CAPS2: variants seen among roughly 807,000 people sequenced by gnomAD.
CAPS2 encodes calcyphosin-2.
Under a neutral mutation model 86.5 loss-of-function variants are expected in CAPS2, and 98 were observed. The ratio of observed to expected loss-of-function variants is 1.13; its 90% CI spans 0.96 to 1.34. The LOEUF is 1.34. Ranked by LOEUF, CAPS2 falls within the 40% of genes most tolerant of loss-of-function variation. CAPS2 has a pLI of 0.00. For synonymous variants in CAPS2, 210 were observed against 225.1 expected (o/e 0.93, Z 0.60); for missense variants, 729 against 686.8 (o/e 1.06, Z -0.69).
chr12:75,317,769 A>ATT (rs1565891892), intron 5 of CAPS2, among the ~76,000 whole-genome samples: 1 of 152,154 alleles, frequency 6.6e-6, no homozygotes, highest in Non-Finnish European at 1.5e-5. Context: ...TCACAATCAA[A>ATT]TTAATTAATA....
exon 8 of CAPS2, chr12:75,304,767 G>T: frequency 6.3e-7 from 1 of 1,589,516 alleles, no homozygotes; most frequent in Non-Finnish European, 8.6e-7. Context: ...TTTGTTTCAT[G>T]TAGTGTTCTT....
chr12:75,284,500 C>A (rs1236288238), intron 15 of CAPS2, among the ~76,000 whole-genome samples: 1 of 151,964 alleles, frequency 6.6e-6, no homozygotes, highest in Non-Finnish European at 1.5e-5. Context: ...ATTCTAAAGA[C>A]CAGAGAAACA....
At chr12:75,353,349 A>T (rs1275240725) in intron 1 of CAPS2, among the ~76,000 whole-genome samples, 1 of 152,240 alleles carries the variant, frequency 6.6e-6, no homozygotes, top group Non-Finnish European at 1.5e-5. Context: ...AACAACCATC[A>T]GAGAATACTA....
intron 1 of CAPS2, 67 bp downstream of exon 2, chr12:75,326,351 G>A (rs2040781441): frequency 1.6e-6 from 1 of 620,152 alleles, no homozygotes; most frequent in Admixed American, 2.9e-5. Context: ...CATAAAACAT[G>A]AAGAAAAGGT....
intron 1 of CAPS2, among the ~76,000 whole-genome samples, chr12:75,352,042 C>G (rs537945582): frequency 8.5e-5 from 13 of 152,260 alleles, no homozygotes; most frequent in Non-Finnish European, 1.9e-4. Flanking sequence ...TTACCAGTCA[C>G]TACAAAAAAC....
intron 7 of CAPS2, among the ~76,000 whole-genome samples, chr12:75,310,489 G>A (rs2039029690): frequency 6.6e-6 from 1 of 152,148 alleles, no homozygotes; most frequent in Non-Finnish European, 1.5e-5. Flanking sequence ...CCAGAACAGG[G>A]ATAAGTCAAA....
chr12:75,288,199 C>T (rs372879972), intron 14 of CAPS2, among the ~76,000 whole-genome samples: 122 of 152,074 alleles, frequency 8.0e-4, no homozygotes, highest in Middle Eastern at 3.4e-3. Flanking sequence ...ATCTACAAAA[C>T]GAAGAGAGGA....
chr12:75,378,269 T>C (rs1174078522), intron 1 of CAPS2, among the ~76,000 whole-genome samples: 1 of 152,144 alleles, frequency 6.6e-6, no homozygotes, highest in Non-Finnish European at 1.5e-5. Context: ...CCAAGTGCTG[T>C]GATTATAGGC....
At chr12:75,293,149 A>G in intron 12 of CAPS2, 100 bp downstream of exon 12, 1 of 742,452 alleles carries the variant, frequency 1.3e-6, no homozygotes, top group South Asian at 1.7e-5. Context: ...TATAAACCTT[A>G]ATGAAGTTAT....
At chr12:75,290,440 GA>G (rs2035637757) in intron 13 of CAPS2, among the ~76,000 whole-genome samples, 2 of 151,990 alleles carry the variant, frequency 1.3e-5, no homozygotes, top group African/African-American at 2.4e-5. Context: ...ATACATGAGA[GA>G]AAAAAACAAA....
At chr12:75,358,865 C>G (rs1255930963) in intron 1 of CAPS2, among the ~76,000 whole-genome samples, 1 of 131,188 alleles carries the variant, frequency 7.6e-6, no homozygotes, top group Admixed American at 7.7e-5. Context: ...ATGGTTTAAA[C>G]ATATATAATA....
chr12:75,337,785 G>T lies in CAPS2; in HGVS notation c.-394-14563C>A, dbSNP rs377542554. Among the ~76,000 whole-genome samples, 7 of 151,856 alleles carry T rather than the reference G, an allele frequency of 4.6e-5. No individual in the cohort carries two copies. The East Asian group carries it at 1.2e-3, about 25-fold the overall frequency. ...AATCCTTGAACTTTGCCTAATAAAAGTATTGCTTATTTTTTTATTTCTTTG... is the reference window on the plus strand; with the variant it reads ...AATCCTTGAACTTTGCCTAATAAAATTATTGCTTATTTTTTTATTTCTTTG... On this transcript the variant is annotated intron_variant, in intron 1 of 5. Transcript: ENST00000551829.
At chr12:75,364,619 G>T (rs2043842209) in intron 1 of CAPS2, among the ~76,000 whole-genome samples, 1 of 152,206 alleles carries the variant, frequency 6.6e-6, no homozygotes, top group Non-Finnish European at 1.5e-5. Flanking sequence ...CAAAGGTGAA[G>T]ATACAAAATT....
At chr12:75,311,728 A>C (rs868163906) in intron 7 of CAPS2, among the ~76,000 whole-genome samples, 88 of 133,258 alleles carry the variant, frequency 6.6e-4, no homozygotes, top group African/African-American at 2.2e-3. Flanking sequence ...AAAAAACAAA[A>C]AAAAAAAAAA....
chr12:75,286,555 T>TA (rs1380186385), intron 14 of CAPS2, among the ~76,000 whole-genome samples: 3 of 151,878 alleles, frequency 2.0e-5, no homozygotes, highest in African/African-American at 7.2e-5. Flanking sequence ...CTTTCAAAGA[T>TA]ACAGTACACA....
chr12:75,363,111 T>A (rs1566003543), intron 1 of CAPS2: 3 of 1,546,490 alleles, frequency 1.9e-6, no homozygotes, highest in Non-Finnish European at 2.6e-6. Flanking sequence ...GAGGAAATTT[T>A]GCAAATATGC....
At position 75,323,198 on chromosome 12, in the gene CAPS2, G is replaced by A. The variant is rs11180461; in HGVS notation, c.156C>T (p.Ser52=). ...TTACCTCATCATCAGAGTCAACAAGGCTTCCCAAATCAAGTCGTGGGACCC... is the reference window on the plus strand; with the variant it reads ...TTACCTCATCATCAGAGTCAACAAGACTTCCCAAATCAAGTCGTGGGACCC... Residue 52 remains serine, a synonymous_variant, in exon 3 of 17, where the codon AGC becomes AGT. Transcript: ENST00000393284. 1,477 of 1,543,944 alleles carry A rather than the reference G, an allele frequency of 9.6e-4. 19 individuals carry two copies. In the African/African-American group the frequency reaches 0.017, roughly 17 times the overall value.
chr12:75,372,007 TTTTG>T (rs980172864), intron 1 of CAPS2, among the ~76,000 whole-genome samples: 5 of 152,230 alleles, frequency 3.3e-5, no homozygotes, highest in Admixed American at 6.5e-5. Context: ...ATTTCATCTT[TTTTG>T]TTTGTTTGTT....
intron 12 of CAPS2, 135 bp downstream of exon 12, chr12:75,293,114 C>A: frequency 3.3e-6 from 2 of 605,446 alleles, no homozygotes. Flanking sequence ...AAAAGACATA[C>A]GTAGCTATGC....
Sources: allele counts gnomAD v4.1 joint callset (sites outside exome capture counted in the v4.1 genomes callset), GRCh38; gene constraint gnomAD v4.1.1; transcripts MANE v1.5; gene names NCBI Gene and HGNC (gene_info 2026-07-23, HGNC 2026-07-21).